The following LRRC4C variants were observed in gnomAD, a reference collection of about 807,000 sequenced individuals.
LRRC4C encodes leucine-rich repeat-containing protein 4C.
A neutral mutation model predicts 33.6 loss-of-function variants in LRRC4C; 5 were observed. The observed-to-expected ratio is 0.15, with a 90% CI of 0.08 to 0.31. The LOEUF is 0.31. Ranked by LOEUF, LRRC4C falls within the 10% of genes least tolerant of loss-of-function variation. The pLI, the probability that LRRC4C is intolerant of heterozygous loss-of-function variation, is 1.00. For missense variants in LRRC4C, 560 were observed against 796.7 expected (o/e 0.70, Z 3.58); for synonymous variants, 329 against 302.0 (o/e 1.09, Z -0.93).
At chr11:40,823,557 A>G (rs1047440918) in intron 2 of LRRC4C, among the ~76,000 whole-genome samples, 3 of 151,782 alleles carry the variant, frequency 2.0e-5, no homozygotes, top group African/African-American at 7.2e-5. Context: ...TAGACATTTG[A>G]CAAAGAAGAT....
At chr11:40,881,196 C>T (rs1463907580) in intron 2 of LRRC4C, among the ~76,000 whole-genome samples, 1 of 151,906 alleles carries the variant, frequency 6.6e-6, no homozygotes, top group Admixed American at 6.6e-5. Context: ...ATAAATTTCC[C>T]CATCTCAGTG....
chr11:40,953,597 T>C (rs1029575751), intron 1 of LRRC4C, among the ~76,000 whole-genome samples: 4 of 151,872 alleles, frequency 2.6e-5, no homozygotes, highest in African/African-American at 2.4e-5. Context: ...TCTTCAGGCT[T>C]TAAACCCCAA....
At chr11:40,809,524 A>AT (rs1351712848) in intron 2 of LRRC4C, among the ~76,000 whole-genome samples, 7 of 151,730 alleles carry the variant, frequency 4.6e-5, no homozygotes, top group Admixed American at 1.3e-4. Flanking sequence ...CCCCTGCTGC[A>AT]TTTTTTTCTA....
chr11:40,751,946 A>G (rs1424050631), intron 2 of LRRC4C, among the ~76,000 whole-genome samples: 1 of 152,136 alleles, frequency 6.6e-6, no homozygotes, highest in Admixed American at 6.6e-5. Context: ...AGATAAATCA[A>G]TGTATTTATA....
chr11:40,963,984 G>A (rs1360639810), intron 1 of LRRC4C, among the ~76,000 whole-genome samples: 4 of 151,618 alleles, frequency 2.6e-5, no homozygotes, highest in Non-Finnish European at 4.4e-5. Context: ...TCCACATCTC[G>A]GTAGGTGGTC....
chr11:40,823,388 G>A (rs1335516223), intron 2 of LRRC4C, among the ~76,000 whole-genome samples: 2 of 151,510 alleles, frequency 1.3e-5, no homozygotes, highest in Non-Finnish European at 3.0e-5. Flanking sequence ...TGATTTCCAA[G>A]GGTGGGAGAA....
At chr11:41,132,925 G>T (rs1239451658) in intron 1 of LRRC4C, among the ~76,000 whole-genome samples, 1 of 152,134 alleles carries the variant, frequency 6.6e-6, no homozygotes, top group Non-Finnish European at 1.5e-5. Context: ...AGTAAAAGGT[G>T]CTTGACTTTC....
intron 1 of LRRC4C, among the ~76,000 whole-genome samples, chr11:41,152,709 A>G (rs1201123738): frequency 6.6e-6 from 1 of 152,176 alleles, no homozygotes. Context: ...TACTAATCTA[A>G]TGAACGCCTA....
At chr11:40,376,225 C>A (rs1158053190) in intron 3 of LRRC4C, among the ~76,000 whole-genome samples, 1 of 152,016 alleles carries the variant, frequency 6.6e-6, no homozygotes, top group Non-Finnish European at 1.5e-5. Flanking sequence ...ATACAATATC[C>A]ACTCATGATA....
rs58549921 is a variant in LRRC4C at position 40,314,453 on chromosome 11, C to A, written c.-176+5175G>T. On this transcript the variant is annotated intron_variant, in intron 4 of 6. Transcript: ENST00000528697. ...GGGAACTCTTATACACTGTTGGAAA[C>A]GTAAACAAGTACAACCACCATGAAG... 2.9e-3 allele frequency among the ~76,000 whole-genome samples: 436 copies of A among 152,116 alleles called. 7 individuals are homozygous for A. The highest frequency in any genetic ancestry group is 0.01 in the African/African-American group (415 of 41,464).
At chr11:40,828,916 T>C (rs1245784973) in intron 2 of LRRC4C, among the ~76,000 whole-genome samples, 3 of 151,948 alleles carry the variant, frequency 2.0e-5, no homozygotes, top group Non-Finnish European at 4.4e-5. Context: ...AAAATAATTA[T>C]TTAAAATCTT....
At chr11:40,744,180 G>A (rs1171771881) in intron 2 of LRRC4C, among the ~76,000 whole-genome samples, 1 of 152,116 alleles carries the variant, frequency 6.6e-6, no homozygotes, top group African/African-American at 2.4e-5. Context: ...CTGATGATGG[G>A]AGATAGATGA....
intron 3 of LRRC4C, among the ~76,000 whole-genome samples, chr11:40,542,187 T>C (rs1956746133): frequency 6.6e-6 from 1 of 152,086 alleles, no homozygotes; most frequent in African/African-American, 2.4e-5. Context: ...TCCTATATTT[T>C]GTTCTTGCAT....
At chr11:41,188,401 C>T (rs1244545371) in intron 1 of LRRC4C, among the ~76,000 whole-genome samples, 1 of 152,026 alleles carries the variant, frequency 6.6e-6, no homozygotes, top group Non-Finnish European at 1.5e-5. Flanking sequence ...CATAGCGTAA[C>T]AAGGAAGACT....
chr11:40,641,708 G>T (rs1449573741), intron 3 of LRRC4C, among the ~76,000 whole-genome samples: 1 of 152,114 alleles, frequency 6.6e-6, no homozygotes, highest in African/African-American at 2.4e-5. Context: ...GCTTCATCAG[G>T]GTTTGTAGCA....
chr11:40,286,840 G>T (rs1327777122), intron 4 of LRRC4C, among the ~76,000 whole-genome samples: 2 of 152,142 alleles, frequency 1.3e-5, no homozygotes, highest in Non-Finnish European at 2.9e-5. Context: ...TCCAAGGTTT[G>T]TCTATTCCAA....
At chr11:40,775,429 T>G (rs1591686732) in intron 2 of LRRC4C, among the ~76,000 whole-genome samples, 1 of 147,968 alleles carries the variant, frequency 6.8e-6, no homozygotes, top group African/African-American at 2.5e-5. Flanking sequence ...AAAAAAAAAG[T>G]AAATATTTTT....
chr11:41,352,022 T>TACCC (rs369712877), intron 1 of LRRC4C, among the ~76,000 whole-genome samples: 8 of 152,226 alleles, frequency 5.3e-5, no homozygotes, highest in African/African-American at 1.9e-4. Flanking sequence ...AATCCTCAGA[T>TACCC]ACCCACAATA....
intron 3 of LRRC4C, among the ~76,000 whole-genome samples, chr11:40,513,039 G>A (rs1955397435): frequency 6.6e-6 from 1 of 151,878 alleles, no homozygotes; most frequent in Non-Finnish European, 1.5e-5. Flanking sequence ...CACGAGGTCA[G>A]GAGATCGAGA....
Sources: allele counts gnomAD v4.1 joint callset (sites outside exome capture counted in the v4.1 genomes callset), GRCh38; gene constraint gnomAD v4.1.1; transcripts MANE v1.5; gene names NCBI Gene and HGNC (gene_info 2026-07-23, HGNC 2026-07-21).